ZFAT: variants seen among roughly 807,000 people sequenced by gnomAD.
The protein encoded by ZFAT is zinc finger protein ZFAT.
A neutral mutation model predicts 117.7 loss-of-function variants in ZFAT; 64 were observed. The ratio of observed to expected loss-of-function variants is 0.54; its 90% CI spans 0.44 to 0.67. The LOEUF is 0.67. Ranked by LOEUF, ZFAT falls within the 30% of genes least tolerant of loss-of-function variation. ZFAT has a pLI of 0.00. For missense variants in ZFAT, 1,433 were observed against 1,584.5 expected (o/e 0.90, Z 1.62); for synonymous variants, 679 against 615.0 (o/e 1.10, Z -1.54).
chr8:134,827,766 TAAAAA>T, the ZFAT span, among the ~76,000 whole-genome samples: 1 of 114,752 alleles, frequency 8.7e-6, no homozygotes, highest in African/African-American at 3.3e-5. Flanking sequence ...AGACTCTGTC[TAAAAA>T]AAAAAAAAAA....
intron 1 of ZFAT, among the ~76,000 whole-genome samples, chr8:134,666,170 C>A (rs1286580554): frequency 6.6e-6 from 1 of 152,136 alleles, no homozygotes; most frequent in Non-Finnish European, 1.5e-5. Flanking sequence ...GCAGCAGAGG[C>A]CCAGTTGGGA....
chr8:134,481,062 A>G (rs1185218805), intron 15 of ZFAT, among the ~76,000 whole-genome samples: 1 of 152,192 alleles, frequency 6.6e-6, no homozygotes, highest in Non-Finnish European at 1.5e-5. Flanking sequence ...CAATACATTT[A>G]GACTGATTTG....
At chr8:134,676,722 A>G (rs1042854796) in intron 1 of ZFAT, among the ~76,000 whole-genome samples, 2 of 152,268 alleles carry the variant, frequency 1.3e-5, no homozygotes, top group Non-Finnish European at 2.9e-5. Context: ...CAAATGCAAA[A>G]GAACGGAAAT....
intron 2 of ZFAT, among the ~76,000 whole-genome samples, chr8:134,644,300 G>T (rs118082049): frequency 6.6e-6 from 1 of 152,150 alleles, no homozygotes; most frequent in African/African-American, 2.4e-5. Flanking sequence ...AAGAAAGGAA[G>T]AATTCCTGCA....
chr8:134,626,826 G>T (rs1829548035), intron 3 of ZFAT, among the ~76,000 whole-genome samples: 1 of 152,200 alleles, frequency 6.6e-6, no homozygotes, highest in Non-Finnish European at 1.5e-5. Context: ...ATTTATCTGA[G>T]CTTTTTATCT....
intron 15 of ZFAT, among the ~76,000 whole-genome samples, chr8:134,502,233 C>G (rs541071321): frequency 1.2e-4 from 19 of 152,350 alleles, no homozygotes; most frequent in African/African-American, 4.3e-4. Flanking sequence ...CACCAGGCTT[C>G]TCTCAAGCCA....
chr8:134,515,608 CTTT>C (rs1484844220), intron 13 of ZFAT, among the ~76,000 whole-genome samples: 1 of 152,116 alleles, frequency 6.6e-6, no homozygotes. Flanking sequence ...TAAATGTCTT[CTTT>C]TGAGAAGTAT....
At chr8:134,793,088 CT>C in the ZFAT span, 1 of 152,192 alleles carries the variant, frequency 6.6e-6, no homozygotes, top group Non-Finnish European at 1.5e-5. Context: ...CCCAGACCAT[CT>C]TCCACTCAGA....
intron 1 of ZFAT, among the ~76,000 whole-genome samples, chr8:134,683,755 G>A (rs946468500): frequency 3.3e-5 from 5 of 152,030 alleles, no homozygotes; most frequent in African/African-American, 1.2e-4. Context: ...CCGCAAGCAG[G>A]AGGCCCATCC....
chr8:134,594,598 C>G (rs1423111721), intron 7 of ZFAT, among the ~76,000 whole-genome samples: 1 of 152,204 alleles, frequency 6.6e-6, no homozygotes, highest in Non-Finnish European at 1.5e-5. Context: ...TATTCCTCTT[C>G]TTCATTCTCC....
chr8:134,525,593 A>C (rs577206301), intron 12 of ZFAT, among the ~76,000 whole-genome samples: 1 of 152,304 alleles, frequency 6.6e-6, no homozygotes, highest in South Asian at 2.1e-4. Context: ...CAGTGGAATC[A>C]AGACAGAGCA....
intron 10 of ZFAT, among the ~76,000 whole-genome samples, chr8:134,571,288 C>T (rs1316718515): frequency 2.0e-5 from 3 of 152,166 alleles, no homozygotes; most frequent in Admixed American, 2.0e-4. Context: ...GGGAAGGCCT[C>T]TGTGAGGAAG....
intron 1 of ZFAT, among the ~76,000 whole-genome samples, chr8:134,708,638 C>T (rs1813872814): frequency 6.6e-6 from 1 of 152,010 alleles, no homozygotes; most frequent in African/African-American, 2.4e-5. Flanking sequence ...TTTTGCTCTG[C>T]TTTTTCTTTT....
At chr8:134,729,359 T>A in the ZFAT span, among the ~76,000 whole-genome samples, 1 of 152,256 alleles carries the variant, frequency 6.6e-6, no homozygotes, top group South Asian at 2.1e-4. Flanking sequence ...TGAGACGGAG[T>A]CTCGCTCTAT....
At chr8:134,702,879 G>A (rs755500165) in intron 1 of ZFAT, among the ~76,000 whole-genome samples, 12 of 152,214 alleles carry the variant, frequency 7.9e-5, no homozygotes, top group Non-Finnish European at 1.0e-4. Flanking sequence ...CACCATGTTA[G>A]CCAGGATGGT....
In ZFAT at chr8:134,712,062, G is replaced by C. The variant is rs1369330887; in HGVS notation, c.19+783C>G. Among the ~76,000 whole-genome samples the C allele has an allele frequency of 2.0e-5, 3 of 152,214 alleles. No individual in the cohort carries two copies. The East Asian group carries it at 5.8e-4, about 29-fold the overall frequency. ...GCGCGTTCGTTCTTTCATTCACTAA[G>C]TATATAGTGAACACTTACATGAGCC... On this transcript the variant is annotated intron_variant, in intron 1 of 15. Transcript: ENST00000377838.
chr8:134,578,294 C>T (rs1221772694), intron 10 of ZFAT, among the ~76,000 whole-genome samples: 3 of 151,534 alleles, frequency 2.0e-5, no homozygotes, highest in African/African-American at 7.3e-5. Flanking sequence ...GCCTGTAATC[C>T]CAGCTACTCG....
At chr8:134,608,128 C>A (rs1262552075) in intron 5 of ZFAT, among the ~76,000 whole-genome samples, 2 of 152,136 alleles carry the variant, frequency 1.3e-5, no homozygotes, top group Non-Finnish European at 2.9e-5. Flanking sequence ...GAAAGACTTT[C>A]AAGGTGTAGT....
intron 1 of ZFAT, among the ~76,000 whole-genome samples, chr8:134,664,241 TCC>T (rs1414435849): frequency 6.6e-6 from 1 of 151,036 alleles, no homozygotes; most frequent in East Asian, 1.9e-4. Flanking sequence ...GAGGCTGACC[TCC>T]CCTCAGCCAG....
Sources: allele counts gnomAD v4.1 joint callset (sites outside exome capture counted in the v4.1 genomes callset), GRCh38; gene constraint gnomAD v4.1.1; transcripts MANE v1.5; gene names NCBI Gene and HGNC (gene_info 2026-07-23, HGNC 2026-07-21).